The following CACNA2D3 variants were observed in gnomAD, a reference collection of about 807,000 sequenced individuals.
CACNA2D3 encodes the protein voltage-dependent calcium channel subunit alpha-2/delta-3.
In CACNA2D3, 60 loss-of-function variants were observed where a neutral mutation model predicts 160.6. That is an observed-to-expected ratio of 0.37 (90% confidence interval 0.30 to 0.46). The LOEUF (loss-of-function observed/expected upper bound fraction) is 0.46, where lower values mean the gene tolerates loss of function less well. Among genes scored for constraint, CACNA2D3 ranks in the 20% least tolerant of loss-of-function variants. CACNA2D3 has a pLI of 1.00. For missense variants in CACNA2D3, 1,205 were observed against 1,365.0 expected (o/e 0.88, Z 1.85); for synonymous variants, 558 against 492.9 (o/e 1.13, Z -1.75).
rs191696396 is a variant in CACNA2D3 at position 54,227,572 on chromosome 3, G to C, written c.205-92870G>C. On this transcript the variant is annotated intron_variant, in intron 2 of 37. Coordinates refer to ENST00000474759, the MANE Select transcript of CACNA2D3 (RefSeq NM_018398.3). ...CATGGCTTTTTTGGGGAGGGGGCGG[G>C]GGGGCAGAGTCTCGCTCTGTCGCCT... 1.7e-3 allele frequency among the ~76,000 whole-genome samples: 254 copies of C among 151,796 alleles called. 1 individual carries two copies. The highest frequency in any genetic ancestry group is 2.8e-3 in the Non-Finnish European group (192 of 67,922).
In CACNA2D3 at chr3:55,074,099, T is replaced by C; in HGVS notation, c.3184-15T>C. On this transcript the variant is annotated splice_polypyrimidine_tract_variant and intron_variant, in intron 37 of 37. Transcript: ENST00000474759. ...AGTCTATTTCCGTCTAACCAACCCC[T>C]GCCTTTCCCCATAGGAGAATGCAAG... is the stretch of plus-strand genomic sequence containing the variant. The C allele has an allele frequency of 1.2e-6, 2 of 1,608,756 alleles. No individual in the cohort carries two copies. The highest frequency in any genetic ancestry group is 1.7e-6 in the Non-Finnish European group (2 of 1,175,006).
intron 2 of CACNA2D3, among the ~76,000 whole-genome samples, chr3:54,187,876 C>T (rs1455787207): frequency 6.6e-6 from 1 of 152,108 alleles, no homozygotes; most frequent in Non-Finnish European, 1.5e-5. Context: ...GCTCACTTGC[C>T]CCTGCTCTGT....
chr3:54,435,272 G>T (rs549277495), intron 4 of CACNA2D3, among the ~76,000 whole-genome samples: 4 of 152,116 alleles, frequency 2.6e-5, no homozygotes, highest in South Asian at 2.1e-4. Context: ...AGCAACTTTC[G>T]TATGCATTCT....
At chr3:54,173,812 A>G (rs917383252) in intron 2 of CACNA2D3, among the ~76,000 whole-genome samples, 1 of 152,222 alleles carries the variant, frequency 6.6e-6, no homozygotes, top group African/African-American at 2.4e-5. Flanking sequence ...ATCCTTTAAT[A>G]TAATAGTAAT....
intron 3 of CACNA2D3, among the ~76,000 whole-genome samples, chr3:54,332,335 A>G (rs899632921): frequency 6.6e-6 from 1 of 152,240 alleles, no homozygotes; most frequent in East Asian, 1.9e-4. Context: ...TGTCATGTGT[A>G]CAACTTGTCT....
chr3:54,428,887 T>C (rs1289734838), intron 4 of CACNA2D3, among the ~76,000 whole-genome samples: 1 of 152,224 alleles, frequency 6.6e-6, no homozygotes, highest in South Asian at 2.1e-4. Context: ...TTTTTACAGA[T>C]TTATGCTTGA....
intron 27 of CACNA2D3, among the ~76,000 whole-genome samples, chr3:54,930,020 C>CT (rs2106953679): frequency 6.6e-6 from 1 of 152,306 alleles, no homozygotes; most frequent in East Asian, 1.9e-4. Context: ...CATTTTAGAC[C>CT]TTAAGAGCCA....
intron 3 of CACNA2D3, among the ~76,000 whole-genome samples, chr3:54,332,672 A>G (rs926346989): frequency 6.6e-6 from 1 of 152,166 alleles, no homozygotes; most frequent in African/African-American, 2.4e-5. Flanking sequence ...AAGAGGAGAA[A>G]ATAAAAGCTT....
rs61553160 is a variant in CACNA2D3 at position 54,891,376 on chromosome 3, G to C, written c.2172G>C (p.Glu724Asp). The change falls in exon 25 of 38, where the codon GAG (glutamate) becomes GAC (aspartate). Residue 724 changes from glutamate to aspartate, a missense_variant. Glu to Asp is a conservative substitution (Grantham distance 45). Around this residue, in one of 3 missense-constraint regions of CACNA2D3, gnomAD observed 911 missense variants for 1,002.2 expected, o/e 0.91. Coordinates refer to ENST00000474759, the MANE Select transcript of CACNA2D3 (RefSeq NM_018398.3). ...TCAGAAATTCTGACAAGGGCGTGGA[G>C]GTTGCCTTCCTCGGCACTCGCACGG... Reference protein sequence around the residue: ...NKSENSDKGVEVAFLGTRTGL... With the variant: ...NKSENSDKGVDVAFLGTRTGL... The C allele has an allele frequency of 6.2e-7, 1 of 1,613,886 alleles. No homozygotes were observed. The highest frequency in any genetic ancestry group is 8.5e-7 in the Non-Finnish European group (1 of 1,179,862).
At chr3:54,809,204 C>T (rs1703217406) in intron 13 of CACNA2D3, among the ~76,000 whole-genome samples, 1 of 151,246 alleles carries the variant, frequency 6.6e-6, no homozygotes, top group South Asian at 2.1e-4. Context: ...CTTTCTTCTC[C>T]TTCCTTTCCT....
At chr3:54,453,705 G>A (rs1700349082) in intron 4 of CACNA2D3, among the ~76,000 whole-genome samples, 1 of 152,130 alleles carries the variant, frequency 6.6e-6, no homozygotes. Context: ...CTGTCTTGGT[G>A]TTACTGTTAG....
At chr3:54,230,355 C>A (rs1701747603) in intron 2 of CACNA2D3, among the ~76,000 whole-genome samples, 3 of 152,190 alleles carry the variant, frequency 2.0e-5, no homozygotes, top group Admixed American at 2.0e-4. Flanking sequence ...TCCTTCCCAA[C>A]TTACCTTACC....
chr3:54,371,872 C>T (rs1191004061), intron 3 of CACNA2D3, among the ~76,000 whole-genome samples: 5 of 152,178 alleles, frequency 3.3e-5, no homozygotes, highest in South Asian at 2.1e-4. Context: ...GGTGGAAAAA[C>T]GTGGCCTGAA....
chr3:54,243,810 G>T (rs891145197), intron 2 of CACNA2D3, among the ~76,000 whole-genome samples: 1 of 152,168 alleles, frequency 6.6e-6, no homozygotes, highest in Non-Finnish European at 1.5e-5. Context: ...GACAAGCCAC[G>T]GATCCCTCTG....
chr3:54,169,301 G>A (rs554164078), intron 2 of CACNA2D3, among the ~76,000 whole-genome samples: 1 of 152,130 alleles, frequency 6.6e-6, no homozygotes, highest in Admixed American at 6.5e-5. Context: ...CAGGGCTGTG[G>A]CCTGTGCCCA....
At chr3:54,652,005 A>G (rs991510597) in intron 11 of CACNA2D3, among the ~76,000 whole-genome samples, 2 of 151,932 alleles carry the variant, frequency 1.3e-5, no homozygotes, top group African/African-American at 2.4e-5. Flanking sequence ...TCATTTTACA[A>G]AGCATTTTCT....
At chr3:54,350,969 T>TTG (rs1698544521) in intron 3 of CACNA2D3, among the ~76,000 whole-genome samples, 1 of 43,714 alleles carries the variant, frequency 2.3e-5, no homozygotes, top group Non-Finnish European at 4.9e-5. Flanking sequence ...CTTGAGTCTG[T>TTG]TTTTTTTTTT....
intron 2 of CACNA2D3, among the ~76,000 whole-genome samples, chr3:54,246,069 A>G (rs1247097077): frequency 1.3e-5 from 2 of 152,176 alleles, no homozygotes; most frequent in Admixed American, 6.5e-5. Flanking sequence ...AAACATCTAT[A>G]TATTTGCTGT....
chr3:54,926,084 G>C (rs1701006037), intron 27 of CACNA2D3, among the ~76,000 whole-genome samples: 1 of 151,984 alleles, frequency 6.6e-6, no homozygotes, highest in African/African-American at 2.4e-5. Context: ...AACTTACTTT[G>C]ATTCATGCCC....
Sources: allele counts gnomAD v4.1 joint callset (sites outside exome capture counted in the v4.1 genomes callset), GRCh38; gene constraint gnomAD v4.1.1; regional missense constraint gnomAD v4.1.1; transcripts MANE v1.5; gene names NCBI Gene and HGNC (gene_info 2026-07-23, HGNC 2026-07-21).